SAMD7: variants seen among roughly 807,000 people sequenced by gnomAD.
SAMD7 encodes the protein sterile alpha motif domain-containing protein 7.
SAMD7 carries 34 observed loss-of-function variants against 36.7 expected under a neutral mutation model. The ratio of observed to expected loss-of-function variants is 0.93; its 90% CI spans 0.71 to 1.23. SAMD7 has a LOEUF of 1.23. Among genes scored for constraint, SAMD7 ranks in the 50% most tolerant of loss-of-function variants. The probability of loss-of-function intolerance (pLI) is 0.00; values close to 1 mark genes in which losing one functional copy is unlikely to be tolerated. For missense variants in SAMD7, 570 were observed against 546.6 expected, an observed-to-expected ratio of 1.04 and a Z score of -0.43; for synonymous variants, 188 against 189.7, an observed-to-expected ratio of 0.99 and a Z score of 0.07.
intron 4 of SAMD7, among the ~76,000 whole-genome samples, chr3:169,924,403 A>G (rs1162323664): frequency 7.9e-5 from 12 of 152,126 alleles, no homozygotes; most frequent in Non-Finnish European, 1.8e-4. Flanking sequence ...CCTGGCCAAC[A>G]TGGTGAAACC....
In SAMD7 at chr3:169,921,253, A is replaced by G. The variant is rs768698118; in HGVS notation, c.126A>G (p.Arg42=). 1.1e-5 allele frequency: 18 copies of G among 1,613,674 alleles called. No individual in the cohort carries two copies. The highest frequency in any genetic ancestry group is 3.3e-5 in the Admixed American group (2 of 59,982). Residue 42 remains arginine (R), a synonymous_variant, in exon 4 of 9, where the codon AGA becomes AGG. Coordinates refer to ENST00000335556, the MANE Select transcript of SAMD7 (RefSeq NM_001304366.2). ...CCACCGTAGCTCCAACTGACCCAAG[A>G]CAGTTTTGCGTTCCTTCCCAATTTG... The part of the protein sequence containing the change: ...LPSTVAPTDP[R]QFCVPSQFGS...
chr3:169,930,418 C>G (rs1387728238), intron 7 of SAMD7, among the ~76,000 whole-genome samples: 1 of 152,126 alleles, frequency 6.6e-6, no homozygotes, highest in East Asian at 1.9e-4. Context: ...GTGCCTGCCC[C>G]CAGCTATGCT....
At chr3:169,928,715 C>T (rs1367214198) in intron 7 of SAMD7, 137 bp downstream of exon 7, 2 of 883,034 alleles carry the variant, frequency 2.3e-6, no homozygotes, top group South Asian at 1.7e-5. Context: ...CAGTGTCTAC[C>T]CTGGGACAGG....
chr3:169,920,196 A>G (rs1438518760), intron 3 of SAMD7, among the ~76,000 whole-genome samples: 1 of 152,198 alleles, frequency 6.6e-6, no homozygotes, highest in Non-Finnish European at 1.5e-5. Context: ...ACAAATAAAT[A>G]AAAATAATAA....
chr3:169,936,171 A>G (rs2421904), intron 7 of SAMD7, among the ~76,000 whole-genome samples, 168 bp from the exon 8 acceptor site: 33,233 of 152,136 alleles, frequency 0.22, 3,845 homozygotes, highest in African/African-American at 0.3. Context: ...CACAAGCAAT[A>G]TGCTACTGAG....
At chr3:169,925,383 A>G (rs1345655983) in intron 5 of SAMD7, among the ~76,000 whole-genome samples, 1 of 152,166 alleles carries the variant, frequency 6.6e-6, no homozygotes, top group Non-Finnish European at 1.5e-5. Flanking sequence ...AAAAAAAGAA[A>G]AAGAAATGAA....
At chr3:169,935,872 C>T (rs1419904950) in intron 7 of SAMD7, among the ~76,000 whole-genome samples, 8 of 152,100 alleles carry the variant, frequency 5.3e-5, no homozygotes, top group African/African-American at 1.9e-4. Context: ...CCCTCCCCTC[C>T]CTTTACCAAG....
chr3:169,928,007 A>T (rs1290668), intron 6 of SAMD7, among the ~76,000 whole-genome samples: 17,052 of 152,198 alleles, frequency 0.11, 1,160 homozygotes, highest in South Asian at 0.14. Flanking sequence ...GATAAAAAAA[A>T]ATATATTTTA....
At chr3:169,924,944 GGTTT>G (rs1713193038) in intron 4 of SAMD7, 110 bp from the exon 5 acceptor site, 4 of 694,356 alleles carry the variant, frequency 5.8e-6, no homozygotes, top group South Asian at 2.1e-5. Context: ...CGCAATTGCT[GGTTT>G]GTTTTTTTTT....
chr3:169,925,011 T>C (rs760575739), intron 4 of SAMD7, 47 bp from the exon 5 acceptor site: 1 of 1,123,360 alleles, frequency 8.9e-7, no homozygotes, highest in South Asian at 1.4e-5. Flanking sequence ...TTCAAATGCA[T>C]GTTTTTAATT....
At chr3:169,915,988 A>C (rs1182423504) in intron 2 of SAMD7, among the ~76,000 whole-genome samples, 2 of 152,322 alleles carry the variant, frequency 1.3e-5, no homozygotes, top group East Asian at 3.9e-4. Flanking sequence ...TAATCCATGA[A>C]GCCACCACTT....
At chr3:169,915,858 G>A (rs543142877) in intron 2 of SAMD7, among the ~76,000 whole-genome samples, 148 of 152,050 alleles carry the variant, frequency 9.7e-4, no homozygotes, top group African/African-American at 3.4e-3. Context: ...GATTACAGGC[G>A]TGAGCCACCA....
rs900351261 is a variant in SAMD7, at chr3:169,938,411, C to T, written c.1246C>T (p.Leu416=). ...TCAACCAGCAGATACATCCCCTCTT[C>T]TGGATCCTAATTCCTGGAGTGATAC... ...FDQPADTSPL[L]DPNSWSDTMN... is the part of the protein sequence containing the mutation. The change falls in exon 9 of 9, where the codon CTG becomes TTG. Residue 416 remains leucine, a synonymous_variant. Coordinates refer to ENST00000335556, the MANE Select transcript of SAMD7 (RefSeq NM_001304366.2). 3 of 1,611,888 alleles carry T rather than the reference C, an allele frequency of 1.9e-6. No individual in the cohort carries two copies. Among genetic ancestry groups the T allele is most frequent in the East Asian group, 4.5e-5 (2 of 44,870 alleles).
chr3:169,924,258 T>C (rs749750179), intron 4 of SAMD7, among the ~76,000 whole-genome samples: 1 of 151,872 alleles, frequency 6.6e-6, no homozygotes, highest in African/African-American at 2.4e-5. Flanking sequence ...GGTAGAAATT[T>C]AAAGCACTTT....
At chr3:169,933,364 T>C in intron 7 of SAMD7, 1 of 311,086 alleles carries the variant, frequency 3.2e-6, no homozygotes, top group South Asian at 4.3e-5. Context: ...AGGGTGGCCT[T>C]GGATGTCTTT....
intron 7 of SAMD7, chr3:169,933,085 A>G (rs1713578230): frequency 2.2e-6 from 2 of 895,946 alleles, no homozygotes; most frequent in African/African-American, 1.6e-5. Flanking sequence ...GCCATGGCCC[A>G]TGACCCCCTC....
intron 2 of SAMD7, among the ~76,000 whole-genome samples, chr3:169,916,332 C>A (rs112353699): frequency 0.017 from 2,605 of 152,156 alleles, 82 homozygotes; most frequent in African/African-American, 0.06. Flanking sequence ...CGAGTAAGTT[C>A]TAGATAACTG....
At chr3:169,920,118 G>A (rs1441036840) in intron 3 of SAMD7, among the ~76,000 whole-genome samples, 2 of 152,262 alleles carry the variant, frequency 1.3e-5, no homozygotes, top group Admixed American at 6.5e-5. Flanking sequence ...AGGTTGTGGT[G>A]AGCTGAGATC....
chr3:169,919,971 G>C (rs538455625), intron 3 of SAMD7, among the ~76,000 whole-genome samples: 2 of 152,174 alleles, frequency 1.3e-5, no homozygotes, highest in Non-Finnish European at 2.9e-5. Flanking sequence ...TCAGGAGTTT[G>C]AGACCAGCCT....
Sources: gnomAD v4.1 joint callset for allele counts (sites outside exome capture counted in the v4.1 genomes callset) on GRCh38, gnomAD v4.1.1 for gene constraint, MANE v1.5 for transcripts, NCBI Gene and HGNC (gene_info 2026-07-23, HGNC 2026-07-21) for gene names.